Variants in DRC9 observed in about 807,000 individuals in gnomAD.
The protein encoded by DRC9 is dynein regulatory complex subunit 9.
chr3:197,892,432 T>C, the DRC9 span, among the ~76,000 whole-genome samples: 7 of 152,332 alleles, frequency 4.6e-5, no homozygotes, highest in African/African-American at 1.7e-4. Flanking sequence ...TGGTGGCTTA[T>C]AAGCGCACCT....
At chr3:197,958,973 G>A in the DRC9 span, 1 of 152,332 alleles carries the variant, frequency 6.6e-6, no homozygotes, top group Non-Finnish European at 1.5e-5. Flanking sequence ...TTGGGAGGCG[G>A]AGGCGGGCGG....
the DRC9 span, among the ~76,000 whole-genome samples, chr3:197,907,546 G>C: frequency 6.6e-6 from 1 of 152,164 alleles, no homozygotes; most frequent in Non-Finnish European, 1.5e-5. Context: ...TGTTTCCCAG[G>C]TTTCTTCCAA....
the DRC9 span, chr3:197,912,763 C>G: frequency 6.2e-7 from 1 of 1,604,496 alleles, no homozygotes; most frequent in South Asian, 1.1e-5. Flanking sequence ...TAAGAACAAT[C>G]AGATACCAGT....
chr3:197,892,489 GC>G, the DRC9 span: 45 of 1,041,442 alleles, frequency 4.3e-5, no homozygotes, highest in African/African-American at 7.0e-4. Flanking sequence ...TGGCCTATTT[GC>G]CACTCCTTCC....
chr3:197,901,415 G>A, the DRC9 span, among the ~76,000 whole-genome samples: 1 of 152,166 alleles, frequency 6.6e-6, no homozygotes, highest in Admixed American at 6.5e-5. This position sits in a 1 kb window ranked among gnomAD's most constrained non-coding sequence, Gnocchi z 4.4. Context: ...TGGGATTATA[G>A]GCATGAGCCA....
the DRC9 span, chr3:197,956,023 T>C: frequency 2.0e-6 from 1 of 491,454 alleles, no homozygotes; most frequent in South Asian, 2.1e-5. Context: ...TGCTGGAGTG[T>C]AGTGGTGCTC....
the DRC9 span, chr3:197,945,664 T>C: frequency 9.7e-5 from 150 of 1,541,708 alleles, 1 homozygote; most frequent in Non-Finnish European, 1.3e-4. Context: ...GGTATATTTA[T>C]AATCTCACAA....
chr3:197,955,484 T>G, the DRC9 span, among the ~76,000 whole-genome samples: 1 of 152,038 alleles, frequency 6.6e-6, no homozygotes, highest in Admixed American at 6.6e-5. Context: ...GGATGGTCTC[T>G]ATCTCTTGAC....
At chr3:197,926,376 C>T in the DRC9 span, among the ~76,000 whole-genome samples, 16 of 152,084 alleles carry the variant, frequency 1.1e-4, no homozygotes, top group South Asian at 2.3e-3. Context: ...TTGTCAGTGT[C>T]GAATCTAAAA....
At chr3:197,950,990 A>T in the DRC9 span, 1 of 1,613,434 alleles carries the variant, frequency 6.2e-7, no homozygotes, top group South Asian at 1.1e-5. Flanking sequence ...TACGCGTTTT[A>T]AATATAGTTC....
the DRC9 span, among the ~76,000 whole-genome samples, chr3:197,943,162 C>G: frequency 6.6e-6 from 1 of 152,116 alleles, no homozygotes; most frequent in South Asian, 2.1e-4. Flanking sequence ...AATTTCCTCC[C>G]CCTAGTGTTC....
At chr3:197,891,209 C>T in the DRC9 span, among the ~76,000 whole-genome samples, 9 of 152,242 alleles carry the variant, frequency 5.9e-5, no homozygotes, top group East Asian at 1.2e-3. Flanking sequence ...GTTTTGCTTC[C>T]GCTGCTAACC....
chr3:197,926,297 C>T, the DRC9 span, among the ~76,000 whole-genome samples: 2 of 152,038 alleles, frequency 1.3e-5, no homozygotes, highest in Non-Finnish European at 2.9e-5. Context: ...GGCTGGTCCA[C>T]GTCACATTTT....
At chr3:197,918,204 T>C in the DRC9 span, among the ~76,000 whole-genome samples, 7,009 of 148,518 alleles carry the variant, frequency 0.047, 198 homozygotes, top group South Asian at 0.072. Flanking sequence ...ACCTCCCGAG[T>C]AGCTGGGCCT....
the DRC9 span, among the ~76,000 whole-genome samples, chr3:197,921,002 A>G: frequency 6.6e-6 from 1 of 152,044 alleles, no homozygotes; most frequent in Non-Finnish European, 1.5e-5. Flanking sequence ...TTGTTTTCCA[A>G]CCTTGACCTG....
the DRC9 span, chr3:197,954,437 A>T: frequency 2.0e-5 from 9 of 445,006 alleles, no homozygotes; most frequent in Admixed American, 7.0e-5. Flanking sequence ...GGGTTCAAGC[A>T]ATCCTTCCAC....
At chr3:197,921,235 C>T in the DRC9 span, among the ~76,000 whole-genome samples, 1 of 120,484 alleles carries the variant, frequency 8.3e-6, no homozygotes, top group Non-Finnish European at 1.6e-5. Context: ...TTGGTCGACC[C>T]GACTACTGGT....
the DRC9 span, chr3:197,949,909 G>T: frequency 2.5e-6 from 1 of 401,196 alleles, no homozygotes; most frequent in Non-Finnish European, 4.4e-6. Flanking sequence ...GGCGTCCGGG[G>T]ACGCAGGAAG....
the DRC9 span, among the ~76,000 whole-genome samples, chr3:197,932,562 G>A: frequency 2.6e-5 from 4 of 151,654 alleles, no homozygotes; most frequent in East Asian, 5.8e-4. Context: ...TGGAACCCGG[G>A]AGGTGGAGGT....
Sources: allele counts gnomAD v4.1 joint callset (sites outside exome capture counted in the v4.1 genomes callset), GRCh38; gene constraint gnomAD v4.1.1; non-coding constraint Gnocchi (gnomAD v3.1); transcripts MANE v1.5; gene names NCBI Gene and HGNC (gene_info 2026-07-23, HGNC 2026-07-21).